PIK3C2G: variants seen among roughly 807,000 people sequenced by gnomAD.
The protein encoded by PIK3C2G is phosphatidylinositol 3-kinase C2 domain-containing subunit gamma.
PIK3C2G carries 168 observed loss-of-function variants against 181.1 expected under a neutral mutation model. That is an observed-to-expected ratio of 0.93 (90% CI 0.82 to 1.05). The LOEUF is 1.05. Among genes scored for constraint, PIK3C2G ranks in the 50% least tolerant of loss-of-function variants. The probability of loss-of-function intolerance (pLI) is 0.00; values close to 1 mark genes in which losing one functional copy is unlikely to be tolerated. For synonymous variants in PIK3C2G, 573 were observed against 592.2 expected (o/e 0.97, Z 0.47); for missense variants, 1,869 against 1,732.8 (o/e 1.08, Z -1.40).
chr12:18,637,632 T>C (rs1318996398), intron 31 of PIK3C2G, among the ~76,000 whole-genome samples: 1 of 152,160 alleles, frequency 6.6e-6, no homozygotes, highest in Admixed American at 6.5e-5. Flanking sequence ...CCCCGTTGCA[T>C]TTAGGTTTCC....
intron 1 of PIK3C2G, among the ~76,000 whole-genome samples, chr12:18,264,702 A>G (rs1218000141): frequency 2.0e-5 from 3 of 152,114 alleles, no homozygotes; most frequent in Non-Finnish European, 4.4e-5. Flanking sequence ...GTATGTGAGA[A>G]CAAAAGAAGA....
the PIK3C2G span, among the ~76,000 whole-genome samples, chr12:18,688,706 C>T: frequency 6.6e-6 from 1 of 151,884 alleles, no homozygotes; most frequent in African/African-American, 2.4e-5. Flanking sequence ...TCAAAAAAAT[C>T]TTAACAAAGT....
chr12:18,709,596 C>A, the PIK3C2G span, among the ~76,000 whole-genome samples: 3 of 151,864 alleles, frequency 2.0e-5, no homozygotes, highest in Admixed American at 2.0e-4. Flanking sequence ...AATCTGTACA[C>A]TGTAGCCTAG....
intron 18 of PIK3C2G, among the ~76,000 whole-genome samples, chr12:18,450,796 GT>G (rs1947303072): frequency 6.6e-6 from 1 of 152,100 alleles, no homozygotes. Context: ...TCTGCATATG[GT>G]TAGCCAGTTT....
At chr12:18,429,891 G>A (rs1327581167) in intron 18 of PIK3C2G, among the ~76,000 whole-genome samples, 1 of 152,146 alleles carries the variant, frequency 6.6e-6, no homozygotes, top group Admixed American at 6.5e-5. Flanking sequence ...CCCTTCTCTG[G>A]AGAATTAGCC....
the PIK3C2G span, among the ~76,000 whole-genome samples, chr12:18,676,279 T>C: frequency 6.6e-6 from 1 of 152,174 alleles, no homozygotes; most frequent in Non-Finnish European, 1.5e-5. Context: ...TCTTTAGCAA[T>C]ATGAGCTAAT....
chr12:18,356,038 G>A (rs908484384), intron 11 of PIK3C2G, among the ~76,000 whole-genome samples: 3 of 152,150 alleles, frequency 2.0e-5, no homozygotes, highest in African/African-American at 7.2e-5. Context: ...GAGTGGCCTT[G>A]GCAAGAGGCC....
rs756960325 is a variant in PIK3C2G at position 18,538,224 on chromosome 12, A to G, written c.3392A>G (p.Gln1131Arg). 35 of 1,612,346 alleles carry G rather than the reference A, an allele frequency of 2.2e-5. 1 individual carries two copies. The Middle Eastern group carries it at 9.9e-4, about 46-fold the overall frequency. ...YFITEGGKNP[Q>R]HFQDFVELCC... ...ATTACAGAGGGTGGGAAAAACCCAC[A>G]GCATTTTCAAGATTTTGTGGAACTT... The change falls in exon 25 of 33, where the codon CAG becomes CGG. Residue 1131 changes from glutamine to arginine, a missense_variant. Coordinates refer to ENST00000538779, the MANE Select transcript of PIK3C2G (RefSeq NM_001288772.2).
At chr12:18,404,520 T>C (rs1449369417) in intron 16 of PIK3C2G, among the ~76,000 whole-genome samples, 2 of 152,140 alleles carry the variant, frequency 1.3e-5, no homozygotes, top group Non-Finnish European at 2.9e-5. Flanking sequence ...GAAAATTCTT[T>C]CAAGGAAAGT....
At chr12:18,557,718 A>C (rs1945084558) in intron 26 of PIK3C2G, among the ~76,000 whole-genome samples, 1 of 152,126 alleles carries the variant, frequency 6.6e-6, no homozygotes, top group Admixed American at 6.6e-5. Context: ...AAGAATATGC[A>C]TATGTTGTTA....
In PIK3C2G at chr12:18,316,282, C is replaced by T. The variant is rs373172545; in HGVS notation, c.1137+2218C>T. Among the ~76,000 whole-genome samples the T allele has an allele frequency of 7.2e-5, 11 of 151,954 alleles. 1 individual carries two copies. The highest frequency in any genetic ancestry group is 2.4e-4 in the African/African-American group (10 of 41,448). ...CGCAGTTACATAGTGTAGCTGACTC[C>T]GTCAATATTAAACTTAAGATTCTTC... On this transcript the variant is annotated intron_variant, in intron 6 of 32. Transcript: ENST00000538779.
chr12:18,712,242 A>G, the PIK3C2G span, among the ~76,000 whole-genome samples: 1 of 152,142 alleles, frequency 6.6e-6, no homozygotes, highest in African/African-American at 2.4e-5. Flanking sequence ...TATAAATGAA[A>G]CCAGTGTTAT....
rs545130925 is a variant in PIK3C2G, at chr12:18,519,545, T to G, written c.3323+14084T>G. On this transcript the variant is annotated intron_variant, in intron 24 of 32. Coordinates refer to ENST00000538779, the MANE Select transcript of PIK3C2G (RefSeq NM_001288772.2). ...CAGAGACTAGGATTACAACCCCTGC[T>G]TTCTTTTGCTTTCCATTTACTTGGG... Among the ~76,000 whole-genome samples, 13 of 152,254 alleles carry G rather than the reference T, an allele frequency of 8.5e-5. No individual in the cohort carries two copies. In the East Asian group the frequency reaches 1.2e-3, roughly 14 times the overall value.
At chr12:18,569,635 C>A (rs1945822827) in intron 29 of PIK3C2G, among the ~76,000 whole-genome samples, 1 of 152,164 alleles carries the variant, frequency 6.6e-6, no homozygotes, top group Non-Finnish European at 1.5e-5. Context: ...GTTCCTATAC[C>A]CAGGAATAGA....
chr12:18,384,758 T>C (rs538572141), intron 14 of PIK3C2G, among the ~76,000 whole-genome samples: 1 of 152,300 alleles, frequency 6.6e-6, no homozygotes, highest in East Asian at 1.9e-4. Context: ...GGATCCATAA[T>C]AGAATTCATC....
the PIK3C2G span, chr12:18,693,328 A>G: frequency 1.3e-6 from 2 of 1,553,466 alleles, no homozygotes; most frequent in Non-Finnish European, 1.8e-6. Flanking sequence ...CAAGAGACCT[A>G]TGCAGATACT....
intron 31 of PIK3C2G, among the ~76,000 whole-genome samples, chr12:18,610,137 A>G (rs900726034): frequency 1.6e-4 from 25 of 152,084 alleles, no homozygotes; most frequent in African/African-American, 5.8e-4. Context: ...TAACTGGGCC[A>G]TATCATTAAG....
At chr12:18,286,733 TA>T (rs1949461566) in intron 2 of PIK3C2G, 113 bp from the exon 3 acceptor site, 19 of 600,266 alleles carry the variant, frequency 3.2e-5, no homozygotes, top group South Asian at 1.0e-4. Flanking sequence ...TTAAAAAATC[TA>T]AAAAAAATTA....
At chr12:18,381,038 T>C (rs778268744) in intron 13 of PIK3C2G, among the ~76,000 whole-genome samples, 21 of 152,232 alleles carry the variant, frequency 1.4e-4, no homozygotes, top group Admixed American at 1.3e-3. Context: ...TTCTGACTCA[T>C]ATACCTAGCC....
Sources: gnomAD v4.1 joint callset for allele counts (sites outside exome capture counted in the v4.1 genomes callset) on GRCh38, gnomAD v4.1.1 for gene constraint, MANE v1.5 for transcripts, NCBI Gene and HGNC (gene_info 2026-07-23, HGNC 2026-07-21) for gene names.